The following PITPNM3 variants were observed in gnomAD, a reference collection of about 807,000 sequenced individuals.
PITPNM3 encodes the protein membrane-associated phosphatidylinositol transfer protein 3.
PITPNM3 carries 26 observed loss-of-function variants against 102.0 expected under a neutral mutation model. The observed-to-expected ratio is 0.25, with a 90% CI of 0.19 to 0.35. The LOEUF is 0.35. Among genes scored for constraint, PITPNM3 ranks in the 10% least tolerant of loss-of-function variants. The pLI is 1.00. For synonymous variants in PITPNM3, 578 were observed against 558.6 expected (o/e 1.03, Z -0.49); for missense variants, 1,083 against 1,346.1 (o/e 0.80, Z 3.06).
intron 2 of PITPNM3, among the ~76,000 whole-genome samples, chr17:6,532,319 TA>T (rs1009760245): frequency 2.0e-5 from 3 of 152,112 alleles, no homozygotes; most frequent in Non-Finnish European, 4.4e-5. Flanking sequence ...CTCCATTTTT[TA>T]AACAGCATTA....
Position 6,483,688 on chromosome 17 carries a change from A to G in PITPNM3, c.416T>C (p.Ile139Thr). Residue 139 changes from isoleucine (I) to threonine (T), a missense_variant, in exon 6 of 20, where the codon ATC becomes ACC. By Grantham distance (89) the Ile-to-Thr change is moderately conservative (BLOSUM62 -1). Around this residue, in one of 5 missense-constraint regions of PITPNM3, gnomAD observed 290 missense variants for 337.8 expected, o/e 0.86. Coordinates refer to ENST00000262483, the MANE Select transcript of PITPNM3 (RefSeq NM_031220.4). The stretch of plus-strand genomic sequence containing the variant: ...CGGGTCCCCGGCACCCGTGTCCAGG[A>G]TGTTTCCCCCATGCAGGACCAGCAG... ...VLLLVLHGGN[I>T]LDTGAGDPSC... The G allele has an allele frequency of 6.2e-7, 1 of 1,614,034 alleles. No homozygotes were observed. The highest frequency in any genetic ancestry group is 8.5e-7 in the Non-Finnish European group (1 of 1,180,024).
In PITPNM3 at chr17:6,470,489, G is replaced by T; in HGVS notation, c.1625-81C>A. On this transcript the variant is annotated intron_variant, in intron 12 of 19. Coordinates refer to ENST00000262483, the MANE Select transcript of PITPNM3 (RefSeq NM_031220.4). The surrounding 1 kb of genome is among the most constrained non-coding windows in gnomAD (Gnocchi z 4.8). ...GGGCAGCGGGGTCTCCCATTGCACA[G>T]ACTGGTGGTGGATGCCCCACGTGGG... 6.3e-7 allele frequency: 1 copy of T among 1,590,920 alleles called. No individual in the cohort carries two copies. The highest frequency in any genetic ancestry group is 8.6e-7 in the Non-Finnish European group (1 of 1,161,716).
chr17:6,546,230 C>T (rs1045296924), intron 1 of PITPNM3, among the ~76,000 whole-genome samples: 7 of 152,224 alleles, frequency 4.6e-5, no homozygotes, highest in Admixed American at 2.0e-4. Context: ...TATGTGCCAC[C>T]GATGAGCTCA....
At chr17:6,518,187 T>C (rs372359862) in intron 3 of PITPNM3, among the ~76,000 whole-genome samples, 5 of 152,114 alleles carry the variant, frequency 3.3e-5, no homozygotes, top group East Asian at 1.9e-4. Flanking sequence ...AAGAAAAAAA[T>C]CTATTTGTCA....
At chr17:6,513,261 CT>C (rs755137349) in intron 3 of PITPNM3, among the ~76,000 whole-genome samples, 5 of 152,124 alleles carry the variant, frequency 3.3e-5, no homozygotes, top group Admixed American at 1.3e-4. Flanking sequence ...AAGATGTCTG[CT>C]CTCATCACTT....
rs535027495 is a variant in PITPNM3 at position 6,485,252 on chromosome 17, G to A, written c.275-960C>T. Among the ~76,000 whole-genome samples the A allele has an allele frequency of 1.5e-3, 226 of 150,796 alleles. 1 individual carries two copies. The highest frequency in any genetic ancestry group is 2.4e-3 in the Admixed American group (36 of 15,114). On this transcript the variant is annotated intron_variant, in intron 4 of 19. Transcript: ENST00000262483. ...CGGCTCACTGCAACCTCCGCTTCCCGGGTTCAAGTGATTCTCCTGCCTCAG... is the reference window on the plus strand; with the variant it reads ...CGGCTCACTGCAACCTCCGCTTCCCAGGTTCAAGTGATTCTCCTGCCTCAG...
rs1436379365 is a variant in PITPNM3 at position 6,455,620 on chromosome 17, TGCGGC to T, written c.2638_2642del (p.Ala880ThrfsTer195). 1 of 1,537,254 alleles carries T rather than the reference TGCGGC, an allele frequency of 6.5e-7. No individual in the cohort carries two copies. On this transcript the variant is annotated frameshift_variant, in exon 20 of 20. Transcript: ENST00000262483. LOFTEE classifies it high-confidence loss of function. Reference sequence around the variant, plus strand: ...GGCTGGCCTCCAGCGCGGCCAGGTGTGCGGCGTAGCCCTCGCTCAGGAACTGCGGA... The same window carrying T: ...GGCTGGCCTCCAGCGCGGCCAGGTGTGTAGCCCTCGCTCAGGAACTGCGGA...
Position 6,463,773 on chromosome 17 carries a change from T to C in PITPNM3, c.2265A>G (p.Gly755=), listed in dbSNP as rs757118463. ...GSFAASVSIM[G]SDPKVRPGAV... is the part of the protein sequence containing the mutation. ...CACCCGGCCGGACCTTGGGGTCGCT[T>C]CCCATGATAGACACGCTGGCCGCGA... Residue 755 remains glycine (G), a synonymous_variant, in exon 17 of 20, where the codon GGA becomes GGG. Transcript: ENST00000262483. 1 of 1,612,494 alleles carries C rather than the reference T, an allele frequency of 6.2e-7. No homozygotes were observed. Among genetic ancestry groups the C allele is most frequent in the African/African-American group, 1.3e-5 (1 of 74,986 alleles).
At chr17:6,463,571 C>T (rs529023261) in intron 17 of PITPNM3, among the ~76,000 whole-genome samples, 161 bp downstream of exon 17, 5 of 152,006 alleles carry the variant, frequency 3.3e-5, no homozygotes, top group African/African-American at 1.2e-4. Flanking sequence ...CCCAAGGATA[C>T]TCAATAAATT....
Position 6,463,743 on chromosome 17 carries a change from C to T in PITPNM3, c.2295G>A (p.Val765=). 2 of 1,611,544 alleles carry T rather than the reference C, an allele frequency of 1.2e-6. No homozygotes were observed. Among genetic ancestry groups the T allele is most frequent in the Non-Finnish European group, 1.7e-6 (2 of 1,179,744 alleles). ...AAGGTGGCACTCACCGGACAACATC[C>T]ACTGCACCCGGCCGGACCTTGGGGT... The part of the protein sequence containing the change: ...GSDPKVRPGA[V]DVVRHWQDLG... The change falls in exon 17 of 20, where the codon GTG becomes GTA. Residue 765 remains valine, a synonymous_variant. Transcript: ENST00000262483.
At chr17:6,490,601 T>C (rs1597380261) in intron 4 of PITPNM3, among the ~76,000 whole-genome samples, 1 of 152,102 alleles carries the variant, frequency 6.6e-6, no homozygotes, top group Non-Finnish European at 1.5e-5. Context: ...GGGCTTGGCG[T>C]TGATTCCTAG....
At chr17:6,503,615 T>A (rs2150608575) in intron 3 of PITPNM3, 41 bp from the exon 4 acceptor site, 1 of 1,592,856 alleles carries the variant, frequency 6.3e-7, no homozygotes, top group South Asian at 1.1e-5. Context: ...TCCTTGACAC[T>A]GTTGCCAGGC....
intron 4 of PITPNM3, among the ~76,000 whole-genome samples, chr17:6,489,771 C>A (rs1450945830): frequency 6.6e-6 from 1 of 152,112 alleles, no homozygotes; most frequent in South Asian, 2.1e-4. Context: ...TTTGGGGGAC[C>A]AAGGCAGGCA....
At chr17:6,532,133 A>T (rs111804442) in intron 2 of PITPNM3, among the ~76,000 whole-genome samples, 1 of 150,992 alleles carries the variant, frequency 6.6e-6, no homozygotes, top group African/African-American at 2.4e-5. Context: ...TGCCAAGCTC[A>T]TTCCACCAAT....
Position 6,484,236 on chromosome 17 carries a change from C to T in PITPNM3, c.331G>A (p.Glu111Lys), listed in dbSNP as rs868089384. Residue 111 changes from glutamate (E) to lysine (K), a missense_variant, in exon 5 of 20, where the codon GAG becomes AAG. Transcript: ENST00000262483. ...RQRFPAQGSI[E>K]IHEDSEEGCP... Reference sequence around the variant, plus strand: ...CCTACCTCGCTGTCTTCGTGGATCTCGATGCTTCCCTGGGCTGGGAACCTC... The same window carrying T: ...CCTACCTCGCTGTCTTCGTGGATCTTGATGCTTCCCTGGGCTGGGAACCTC... The T allele has an allele frequency of 1.9e-6, 3 of 1,611,866 alleles. No homozygotes were observed. Among genetic ancestry groups the T allele is most frequent in the Admixed American group, 3.3e-5 (2 of 60,018 alleles).
intron 1 of PITPNM3, among the ~76,000 whole-genome samples, chr17:6,539,402 A>G (rs1334394336): frequency 6.6e-6 from 1 of 152,212 alleles, no homozygotes; most frequent in Non-Finnish European, 1.5e-5. Context: ...AGGAAGAAAT[A>G]AAATTGTCTT....
chr17:6,484,329 C>T, intron 4 of PITPNM3, 37 bp from the exon 5 acceptor site: 1 of 1,548,686 alleles, frequency 6.5e-7, no homozygotes, highest in Non-Finnish European at 8.9e-7. Context: ...CATCTCCAGG[C>T]TTCCCTACAG....
At position 6,483,543 on chromosome 17, in the gene PITPNM3, G is replaced by A. The variant is rs966736382; in HGVS notation, c.561C>T (p.Cys187=). The A allele has an allele frequency of 6.2e-6, 10 of 1,613,976 alleles. No individual in the cohort carries two copies. The highest frequency in any genetic ancestry group is 7.6e-6 in the Non-Finnish European group (9 of 1,179,964). ...LIKFVPCPAI[C]SEAFSLVSHL... is the part of the protein sequence containing the mutation. ...GAGAGACAAGCGAGAAAGCCTCAGA[G>A]CAGATGGCAGGACAGGGGACGAACT... The change falls in exon 6 of 20, where the codon TGC becomes TGT. Residue 187 remains cysteine, a synonymous_variant. Coordinates refer to ENST00000262483, the MANE Select transcript of PITPNM3 (RefSeq NM_031220.4).
At chr17:6,520,519 G>C (rs538356954) in intron 3 of PITPNM3, among the ~76,000 whole-genome samples, 42 of 152,330 alleles carry the variant, frequency 2.8e-4, no homozygotes, top group African/African-American at 9.4e-4. Flanking sequence ...GAAGAGGTAA[G>C]TTGCAGCACT....
Sources: allele counts gnomAD v4.1 joint callset (sites outside exome capture counted in the v4.1 genomes callset), GRCh38; gene constraint gnomAD v4.1.1; regional missense constraint gnomAD v4.1.1; non-coding constraint Gnocchi (gnomAD v3.1); transcripts MANE v1.5; gene names NCBI Gene and HGNC (gene_info 2026-07-23, HGNC 2026-07-21).